Variants in SEMA5A observed in about 807,000 individuals in gnomAD.
SEMA5A encodes the protein semaphorin 5A, also known as semaphorin-5A.
SEMA5A carries 55 observed loss-of-function variants against 135.5 expected under a neutral mutation model. The ratio of observed to expected loss-of-function variants is 0.41; its 90% CI spans 0.33 to 0.51. SEMA5A has a LOEUF of 0.51. Ranked by LOEUF, SEMA5A falls within the 20% of genes least tolerant of loss-of-function variation. The pLI, the probability that SEMA5A is intolerant of heterozygous loss-of-function variation, is 0.37. For synonymous variants in SEMA5A, 580 were observed against 546.5 expected (o/e 1.06, Z -0.85); for missense variants, 1,290 against 1,419.9 (o/e 0.91, Z 1.47).
chr5:9,523,553 G>T (rs1006365785), intron 1 of SEMA5A, among the ~76,000 whole-genome samples: 4 of 152,160 alleles, frequency 2.6e-5, no homozygotes, highest in African/African-American at 9.6e-5. Context: ...TCTATAACGA[G>T]GGACAAAGGG....
chr5:9,191,515 A>C (rs183152), intron 10 of SEMA5A, among the ~76,000 whole-genome samples: 129,073 of 152,266 alleles, frequency 0.85, 54,912 homozygotes, highest in African/African-American at 0.89. Flanking sequence ...ATGGAAAAGA[A>C]TTTCCAGGCC....
chr5:9,483,149 A>G (rs796623943), intron 1 of SEMA5A, among the ~76,000 whole-genome samples: 19 of 151,794 alleles, frequency 1.3e-4, no homozygotes, highest in East Asian at 3.9e-4. Flanking sequence ...CTCATTCCCT[A>G]TCTCTCTTCA....
At chr5:9,179,955 C>G (rs1744410590) in intron 11 of SEMA5A, among the ~76,000 whole-genome samples, 1 of 152,166 alleles carries the variant, frequency 6.6e-6, no homozygotes, top group South Asian at 2.1e-4. Flanking sequence ...ATCAAGGTAT[C>G]AGGAGAGCCA....
intron 5 of SEMA5A, among the ~76,000 whole-genome samples, chr5:9,282,421 T>TG (rs1213059059): frequency 6.6e-6 from 1 of 152,100 alleles, no homozygotes; most frequent in African/African-American, 2.4e-5. Context: ...GAGAAGAGGA[T>TG]GTGGGATTTC....
intron 1 of SEMA5A, among the ~76,000 whole-genome samples, chr5:9,470,631 A>G (rs1418975915): frequency 1.3e-5 from 2 of 152,168 alleles, no homozygotes; most frequent in Non-Finnish European, 2.9e-5. Context: ...TGAGATGTAA[A>G]TAGAAGGAAA....
intron 2 of SEMA5A, among the ~76,000 whole-genome samples, chr5:9,411,546 A>T (rs1447477020): frequency 6.6e-6 from 1 of 152,172 alleles, no homozygotes; most frequent in Non-Finnish European, 1.5e-5. Context: ...CAGTCCCATC[A>T]TTACCAGGTC....
chr5:9,127,697 A>C (rs1465694569), intron 13 of SEMA5A, among the ~76,000 whole-genome samples: 2 of 152,182 alleles, frequency 1.3e-5, no homozygotes, highest in Admixed American at 1.3e-4. Context: ...CCTAATATTA[A>C]TCAGAAACAT....
chr5:9,340,222 G>A (rs1468839780), intron 3 of SEMA5A, among the ~76,000 whole-genome samples: 1 of 152,188 alleles, frequency 6.6e-6, no homozygotes, highest in African/African-American at 2.4e-5. Context: ...GGAAACACAT[G>A]ACCAGGGAGC....
chr5:9,080,029 C>T (rs1171668650), intron 16 of SEMA5A, among the ~76,000 whole-genome samples: 2 of 152,112 alleles, frequency 1.3e-5, no homozygotes, highest in Admixed American at 1.3e-4. Context: ...CCTTTTGACC[C>T]AGAAATCCCA....
chr5:9,415,817 A>G lies in SEMA5A; in HGVS notation c.-78+21939T>C, dbSNP rs537942071. 5.0e-4 allele frequency among the ~76,000 whole-genome samples: 76 copies of G among 152,352 alleles called. 1 individual carries two copies. The highest frequency in any genetic ancestry group is 1.8e-3 in the African/African-American group (76 of 41,582). On this transcript the variant is annotated intron_variant, in intron 2 of 22. Coordinates refer to ENST00000382496, the MANE Select transcript of SEMA5A (RefSeq NM_003966.3). ...ATTTCAAAGAGTTTCCCAAATTCAT[A>G]TAATGTTCTGCAGTGCTAGAGCTGG...
chr5:9,338,324 G>A (rs916509405), intron 3 of SEMA5A, among the ~76,000 whole-genome samples: 1 of 152,088 alleles, frequency 6.6e-6, no homozygotes, highest in African/African-American at 2.4e-5. Context: ...GATTAGACTT[G>A]TTAAACACAT....
At chr5:9,066,793 T>G in intron 16 of SEMA5A, 147 bp from the exon 17 acceptor site, 2 of 643,732 alleles carry the variant, frequency 3.1e-6, no homozygotes, top group Non-Finnish European at 5.4e-6. Flanking sequence ...AAAAACACAT[T>G]TATGTTAAAT....
intron 3 of SEMA5A, among the ~76,000 whole-genome samples, chr5:9,353,241 A>AAAGGG (rs149895165): frequency 4.2e-5 from 4 of 95,222 alleles, no homozygotes; most frequent in African/African-American, 1.3e-4. Context: ...GAAAGGAAGG[A>AAAGGG]AAGGGAAGGG....
At chr5:9,193,252 T>G (rs1016922512) in intron 10 of SEMA5A, among the ~76,000 whole-genome samples, 1 of 152,174 alleles carries the variant, frequency 6.6e-6, no homozygotes, top group South Asian at 2.1e-4. Flanking sequence ...TTGCCTTTTA[T>G]GCTGGACTCC....
chr5:9,333,156 A>G (rs1753231825), intron 4 of SEMA5A, among the ~76,000 whole-genome samples: 1 of 152,124 alleles, frequency 6.6e-6, no homozygotes, highest in Non-Finnish European at 1.5e-5. Flanking sequence ...ACTGAGATAG[A>G]TGTTAAAAAA....
At chr5:9,053,184 T>A (rs1212998323) in intron 19 of SEMA5A, among the ~76,000 whole-genome samples, 1 of 152,196 alleles carries the variant, frequency 6.6e-6, no homozygotes, top group Non-Finnish European at 1.5e-5. Context: ...AACCAAGCTA[T>A]TTCTGGGATG....
intron 11 of SEMA5A, 106 bp downstream of exon 11, chr5:9,190,161 C>T (rs962248147): frequency 5.0e-6 from 6 of 1,193,892 alleles, no homozygotes; most frequent in African/African-American, 3.1e-5. Context: ...CAAAAAGAGA[C>T]ATCAGGCGTA....
chr5:9,272,510 G>C (rs192669618), intron 5 of SEMA5A, among the ~76,000 whole-genome samples: 22 of 152,290 alleles, frequency 1.4e-4, no homozygotes, highest in African/African-American at 5.1e-4. Context: ...TTTGAGCTCT[G>C]ATAAGGGACA....
Position 9,223,234 on chromosome 5 carries a change from T to C in SEMA5A, c.646+1440A>G, listed in dbSNP as rs143518420. On this transcript the variant is annotated intron_variant, in intron 8 of 22. Transcript: ENST00000382496. ...GAAGCAATAGAGTCATTTAGTTTAC[T>C]TGAGAAAGTTAATGACGAGGACATC... Among the ~76,000 whole-genome samples the C allele has an allele frequency of 1.1e-4, 16 of 152,360 alleles. No individual in the cohort carries two copies. The East Asian group carries it at 1.5e-3, about 15-fold the overall frequency.
Sources: allele counts gnomAD v4.1 joint callset (sites outside exome capture counted in the v4.1 genomes callset), GRCh38; gene constraint gnomAD v4.1.1; transcripts MANE v1.5; gene names NCBI Gene and HGNC (gene_info 2026-07-23, HGNC 2026-07-21).